The following KCNMB3 variants were observed in gnomAD, a reference collection of about 807,000 sequenced individuals.
The protein encoded by KCNMB3 is calcium-activated potassium channel subunit beta-3.
A neutral mutation model predicts 11.9 loss-of-function variants in KCNMB3; 18 were observed. The observed-to-expected ratio is 1.51, with a 90% CI of 1.04 to 2.23. The LOEUF is 2.23. Among genes scored for constraint, KCNMB3 ranks in the 30% most tolerant of loss-of-function variants. The pLI, the probability that KCNMB3 is intolerant of heterozygous loss-of-function variation, is 0.00. For synonymous variants in KCNMB3, 78 were observed against 119.2 expected (o/e 0.65, Z 2.25); for missense variants, 247 against 329.4 (o/e 0.75, Z 1.94).
intron 1 of KCNMB3, chr3:179,260,083 C>T (rs1029327241): frequency 1.2e-6 from 2 of 1,608,958 alleles, no homozygotes; most frequent in African/African-American, 2.7e-5. Context: ...ATACATCTGT[C>T]ATCATGATAA....
At chr3:179,258,041 C>T (rs778432120) in intron 1 of KCNMB3, among the ~76,000 whole-genome samples, 2 of 152,136 alleles carry the variant, frequency 1.3e-5, no homozygotes, top group East Asian at 1.9e-4. Flanking sequence ...CCCACCACCA[C>T]GCCTGGCCAA....
At chr3:179,249,475 ACCAG>A (rs1292408310) in intron 1 of KCNMB3, among the ~76,000 whole-genome samples, 1 of 151,816 alleles carries the variant, frequency 6.6e-6, no homozygotes, top group East Asian at 2.0e-4. Context: ...GGAGTTCAAG[ACCAG>A]CCTGGCCAAC....
chr3:179,255,563 A>G (rs1296504917), upstream of KCNMB3, among the ~76,000 whole-genome samples: 3 of 152,210 alleles, frequency 2.0e-5, no homozygotes, highest in Non-Finnish European at 2.9e-5. Flanking sequence ...GGAAAGTATT[A>G]AAGAGAGGTT....
chr3:179,255,776 A>AG (rs1725992798), upstream of KCNMB3, among the ~76,000 whole-genome samples: 1 of 152,270 alleles, frequency 6.6e-6, no homozygotes, highest in Non-Finnish European at 1.5e-5. Context: ...TATATTGCAC[A>AG]GCTACAAAGA....
intron 1 of KCNMB3, 56 bp downstream of exon 1, chr3:179,250,687 T>C: frequency 1.3e-6 from 2 of 1,562,572 alleles, no homozygotes; most frequent in South Asian, 2.3e-5. Flanking sequence ...CCTTTACCGC[T>C]GTGCCTGGAT....
In KCNMB3 at chr3:179,260,235, G is replaced by A. The variant is rs193056556; in HGVS notation, c.62+6414C>T. On this transcript the variant is annotated intron_variant, in intron 1 of 3. Coordinates refer to the KCNMB3 transcript ENST00000349697. ...CCAACAGTTGGATGGCTCAAGGGGA[G>A]TTCTGGTCCTGTCATCTGGTGCACC... 3.0e-4 allele frequency: 491 copies of A among 1,613,932 alleles called. 5 individuals carry two copies. In the African/African-American group the frequency reaches 5.7e-3, roughly 19 times the overall value.
At chr3:179,247,127 T>G (rs941552167) in intron 1 of KCNMB3, among the ~76,000 whole-genome samples, 8 of 152,180 alleles carry the variant, frequency 5.3e-5, no homozygotes, top group African/African-American at 1.4e-4. Flanking sequence ...AGGCATTCAC[T>G]TAATTAATTT....
chr3:179,248,146 C>G (rs1044313381), intron 1 of KCNMB3, among the ~76,000 whole-genome samples: 2 of 152,078 alleles, frequency 1.3e-5, no homozygotes, highest in African/African-American at 2.4e-5. Context: ...GCAAGTCTTA[C>G]GTCAGAATGA....
At chr3:179,245,797 T>C (rs9813190) in intron 1 of KCNMB3, among the ~76,000 whole-genome samples, 39,587 of 152,060 alleles carry the variant, frequency 0.26, 6,158 homozygotes, top group African/African-American at 0.43. Flanking sequence ...CGGCTCCTGG[T>C]CTGAATTAAA....
intron 1 of KCNMB3, among the ~76,000 whole-genome samples, chr3:179,262,392 C>A (rs1726243234): frequency 6.6e-6 from 1 of 152,174 alleles, no homozygotes; most frequent in South Asian, 2.1e-4. Context: ...TGGAGTTGTT[C>A]ATTCCTCCCG....
At chr3:179,256,998 C>A (rs1054838088) in intron 1 of KCNMB3, among the ~76,000 whole-genome samples, 2 of 152,116 alleles carry the variant, frequency 1.3e-5, no homozygotes, top group Non-Finnish European at 2.9e-5. Context: ...CCTGTCTCTA[C>A]ACAATAAAAA....
intron 1 of KCNMB3, chr3:179,259,473 T>C: frequency 6.2e-7 from 1 of 1,612,926 alleles, no homozygotes; most frequent in Non-Finnish European, 8.5e-7. Flanking sequence ...ATTGCCTTCT[T>C]GGTCAAGTTT....
At chr3:179,247,539 C>T (rs1208028444) in intron 1 of KCNMB3, among the ~76,000 whole-genome samples, 1 of 152,030 alleles carries the variant, frequency 6.6e-6, no homozygotes, top group Non-Finnish European at 1.5e-5. Flanking sequence ...AACATGTAAT[C>T]TGCAGACCAT....
At chr3:179,259,093 T>A in intron 1 of KCNMB3, 1 of 1,600,494 alleles carries the variant, frequency 6.2e-7, no homozygotes, top group African/African-American at 1.3e-5. Flanking sequence ...CTTTCTGGAT[T>A]GAAGTCCCCC....
downstream of KCNMB3, chr3:179,240,223 T>C (rs1725419064): frequency 3.6e-6 from 2 of 553,388 alleles, no homozygotes; most frequent in Admixed American, 6.9e-5. Context: ...TGAGTTCTTT[T>C]CAGTAATGAC....
intron 1 of KCNMB3, chr3:179,261,409 G>A (rs890021324): frequency 2.8e-6 from 3 of 1,060,846 alleles, no homozygotes; most frequent in African/African-American, 1.7e-5. Context: ...GAACGCTCGC[G>A]CTTCCGGGGC....
At chr3:179,247,576 A>C (rs1725686546) in intron 1 of KCNMB3, among the ~76,000 whole-genome samples, 1 of 152,174 alleles carries the variant, frequency 6.6e-6, no homozygotes, top group Non-Finnish European at 1.5e-5. Flanking sequence ...ATGAGAACCG[A>C]GCTACAAAGT....
At chr3:179,251,547 C>T (rs978079415), upstream of KCNMB3, 3 of 1,335,930 alleles carry the variant, frequency 2.2e-6, no homozygotes, top group Admixed American at 3.5e-5. Context: ...CCCTTCATTT[C>T]TTCTCTCCTC....
At position 179,243,904 on chromosome 3, in the gene KCNMB3, C is replaced by T. The variant is rs534576341; in HGVS notation, c.447+591G>A. Among the ~76,000 whole-genome samples the T allele has an allele frequency of 2.0e-5, 3 of 152,262 alleles. No individual in the cohort carries two copies. In the South Asian group the frequency reaches 6.2e-4, roughly 32 times the overall value. ...CTAAAGGCCAAAAACTGTTTGAAAT[C>T]TTAAAAATCATTGCATCCCAAACAG... On this transcript the variant is annotated intron_variant, in intron 2 of 2. Coordinates refer to ENST00000392685, the MANE Select transcript of KCNMB3 (RefSeq NM_171830.2).
Sources: gnomAD v4.1 joint callset for allele counts (sites outside exome capture counted in the v4.1 genomes callset) on GRCh38, gnomAD v4.1.1 for gene constraint, MANE v1.5 for transcripts, NCBI Gene and HGNC (gene_info 2026-07-23, HGNC 2026-07-21) for gene names.